SCHIP1: variants seen among roughly 807,000 people sequenced by gnomAD.
SCHIP1 encodes schwannomin-interacting protein 1.
A neutral mutation model predicts 29.7 loss-of-function variants in SCHIP1; 8 were observed. The observed-to-expected ratio is 0.27, with a 90% CI of 0.16 to 0.49. The LOEUF is 0.49. Among genes scored for constraint, SCHIP1 ranks in the 20% least tolerant of loss-of-function variants. SCHIP1 has a pLI of 0.99. For missense variants in SCHIP1, 193 were observed against 294.6 expected (o/e 0.66, Z 2.52); for synonymous variants, 76 against 94.9 (o/e 0.80, Z 1.16).
the SCHIP1 span, among the ~76,000 whole-genome samples, chr3:159,818,751 G>A: frequency 6.6e-6 from 1 of 152,246 alleles, no homozygotes; most frequent in East Asian, 1.9e-4. Context: ...GTCCAGCATG[G>A]AGGCCCTGCT....
chr3:159,764,995 C>T, the SCHIP1 span: 1 of 1,529,472 alleles, frequency 6.5e-7, no homozygotes, highest in Middle Eastern at 2.0e-4. This position sits in a 1 kb window ranked among gnomAD's most constrained non-coding sequence, Gnocchi z 6.1. Context: ...CTGCCTTCAG[C>T]CCCCAGACGG....
the SCHIP1 span, among the ~76,000 whole-genome samples, chr3:159,658,973 G>A: frequency 2.0e-5 from 3 of 152,188 alleles, no homozygotes; most frequent in African/African-American, 7.2e-5. Context: ...ATACCAACAT[G>A]TGTACCTGTC....
At chr3:159,627,044 G>A in the SCHIP1 span, among the ~76,000 whole-genome samples, 7 of 152,040 alleles carry the variant, frequency 4.6e-5, no homozygotes, top group East Asian at 1.9e-4. Flanking sequence ...CCCCCACCCC[G>A]ACGGGCCCCG....
At chr3:159,426,692 G>C in the SCHIP1 span, among the ~76,000 whole-genome samples, 1 of 152,138 alleles carries the variant, frequency 6.6e-6, no homozygotes, top group Non-Finnish European at 1.5e-5. Context: ...TATGAGGCCA[G>C]CATCATCCTG....
At chr3:159,805,390 A>C in the SCHIP1 span, among the ~76,000 whole-genome samples, 1 of 152,208 alleles carries the variant, frequency 6.6e-6, no homozygotes, top group Non-Finnish European at 1.5e-5. Flanking sequence ...TTTACCTCTC[A>C]TGAGAATCAC....
the SCHIP1 span, chr3:159,721,880 G>T: frequency 2.3e-6 from 1 of 427,332 alleles, no homozygotes; most frequent in Non-Finnish European, 4.7e-6. Context: ...TCAGCATCTG[G>T]CTAGAAAGCA....
chr3:159,553,891 C>A, the SCHIP1 span, among the ~76,000 whole-genome samples: 1 of 152,108 alleles, frequency 6.6e-6, no homozygotes, highest in Non-Finnish European at 1.5e-5. Context: ...ACCTCAGCCT[C>A]CTGGGTTCAC....
At chr3:159,664,679 C>T in the SCHIP1 span, among the ~76,000 whole-genome samples, 1 of 152,072 alleles carries the variant, frequency 6.6e-6, no homozygotes, top group Admixed American at 6.5e-5. Context: ...GTTCAGAGGC[C>T]TATAGGGTAG....
chr3:159,790,975 A>G, the SCHIP1 span, among the ~76,000 whole-genome samples: 1 of 152,180 alleles, frequency 6.6e-6, no homozygotes, highest in Non-Finnish European at 1.5e-5. Context: ...CTCAGCATGG[A>G]AAGTTTGGCC....
At chr3:159,795,483 T>C in the SCHIP1 span, among the ~76,000 whole-genome samples, 1 of 152,218 alleles carries the variant, frequency 6.6e-6, no homozygotes, top group Admixed American at 6.5e-5. Flanking sequence ...AGATGAGACT[T>C]ACAGATGCTA....
chr3:159,858,005 T>C (rs1713589142), intron 1 of SCHIP1, among the ~76,000 whole-genome samples: 4 of 152,178 alleles, frequency 2.6e-5, no homozygotes, highest in African/African-American at 9.7e-5. Flanking sequence ...AGGTCCATTC[T>C]ACACAGGAGG....
chr3:159,393,537 G>A, the SCHIP1 span, among the ~76,000 whole-genome samples: 2 of 151,734 alleles, frequency 1.3e-5, no homozygotes, highest in African/African-American at 4.8e-5. Context: ...CATATGGCTA[G>A]CCAGTTTTCC....
chr3:159,505,097 C>T, the SCHIP1 span, among the ~76,000 whole-genome samples: 1 of 152,132 alleles, frequency 6.6e-6, no homozygotes, highest in Non-Finnish European at 1.5e-5. Context: ...GAAAGAGGTT[C>T]CTGATGGCTG....
chr3:159,367,979 T>C, the SCHIP1 span, among the ~76,000 whole-genome samples: 2 of 152,304 alleles, frequency 1.3e-5, no homozygotes, highest in African/African-American at 4.8e-5. Context: ...TTCATATATT[T>C]CTCCCCTATC....
chr3:159,827,722 G>A, the SCHIP1 span, among the ~76,000 whole-genome samples: 2 of 151,614 alleles, frequency 1.3e-5, no homozygotes, highest in Admixed American at 6.6e-5. Context: ...GGAGAATGGC[G>A]TGAACCCGGG....
the SCHIP1 span, among the ~76,000 whole-genome samples, chr3:159,313,120 C>T: frequency 6.6e-6 from 1 of 151,992 alleles, no homozygotes; most frequent in African/African-American, 2.4e-5. Flanking sequence ...CTCTATAGTC[C>T]TTATTATTTA....
the SCHIP1 span, among the ~76,000 whole-genome samples, chr3:159,574,246 G>C: frequency 1.3e-5 from 2 of 152,192 alleles, no homozygotes; most frequent in Non-Finnish European, 2.9e-5. Context: ...CATCTTTGTG[G>C]TTTTATCTAC....
At chr3:159,887,902 T>G in exon 4 of SCHIP1, 1 of 1,613,996 alleles carries the variant, frequency 6.2e-7, no homozygotes, top group Non-Finnish European at 8.5e-7. Flanking sequence ...CCGTCGCTGA[T>G]CTTGTAAGCA....
the SCHIP1 span, among the ~76,000 whole-genome samples, chr3:159,589,877 T>G: frequency 1.3e-5 from 2 of 152,274 alleles, no homozygotes; most frequent in South Asian, 4.1e-4. Flanking sequence ...CCTTCAAGTA[T>G]GTATACAAGA....
Sources: allele counts gnomAD v4.1 joint callset (sites outside exome capture counted in the v4.1 genomes callset), GRCh38; gene constraint gnomAD v4.1.1; non-coding constraint Gnocchi (gnomAD v3.1); transcripts MANE v1.5; gene names NCBI Gene and HGNC (gene_info 2026-07-23, HGNC 2026-07-21).